FAM163B: variants seen among roughly 807,000 people sequenced by gnomAD.
FAM163B encodes the protein family with sequence similarity 163 member B.
Under a neutral mutation model 7.6 loss-of-function variants are expected in FAM163B, and 4 were observed. The observed-to-expected ratio is 0.52, with a 90% CI of 0.26 to 1.20. The LOEUF (loss-of-function observed/expected upper bound fraction) is 1.20. FAM163B is among the 50% of genes most tolerant of loss of function. FAM163B has a pLI of 0.14. For missense variants in FAM163B, 250 were observed against 243.0 expected (o/e 1.03, Z -0.19); for synonymous variants, 120 against 111.6 (o/e 1.07, Z -0.47).
At chr9:133,599,725 GTGTC>G (rs1296151047) in intron 1 of FAM163B, among the ~76,000 whole-genome samples, 2 of 151,026 alleles carry the variant, frequency 1.3e-5, no homozygotes, top group South Asian at 2.1e-4. Context: ...ATGTGCATGT[GTGTC>G]TGTGTGCATG....
intron 1 of FAM163B, among the ~76,000 whole-genome samples, chr9:133,582,934 A>T (rs1263294249): frequency 2.6e-5 from 4 of 152,122 alleles, no homozygotes; most frequent in Admixed American, 2.6e-4. Context: ...GCTGCCGGAG[A>T]GATTGCTGTT....
chr9:133,590,102 C>T (rs1412919199), intron 1 of FAM163B, among the ~76,000 whole-genome samples: 8 of 25,558 alleles, frequency 3.1e-4, no homozygotes, highest in African/African-American at 7.7e-4. Flanking sequence ...TCCCCTTCCC[C>T]TTCCCTTCCC....
rs1209370786 is a variant in FAM163B at position 133,577,618 on chromosome 9, G to A, written c.*1404C>T. ...TCTTTGAGGGCGGTGCCTTCCCTGG[G>A]CAGAGAGGGGCTGCCCCGGCCCTGG... On this transcript the variant is annotated 3_prime_UTR_variant, in exon 3 of 3. Transcript: ENST00000673969. Among the ~76,000 whole-genome samples, 1 of 152,230 alleles carries A rather than the reference G, an allele frequency of 6.6e-6. No homozygotes were observed. The highest frequency in any genetic ancestry group is 2.4e-5 in the African/African-American group (1 of 41,468).
At chr9:133,591,391 C>T (rs987135989) in intron 1 of FAM163B, among the ~76,000 whole-genome samples, 14 of 152,172 alleles carry the variant, frequency 9.2e-5, no homozygotes, top group South Asian at 2.1e-4. Flanking sequence ...GTAACTGTGG[C>T]GGAGATGACA....
rs1831303856 is a variant in FAM163B at position 133,579,105 on chromosome 9, C to CA, written c.417_418insT (p.Gly140TrpfsTer86). On this transcript the variant is annotated frameshift_variant, in exon 3 of 3. Coordinates refer to ENST00000673969, the MANE Select transcript of FAM163B (RefSeq NM_001080515.3). LOFTEE classifies it high-confidence loss of function. The stretch of plus-strand genomic sequence containing the variant: ...CGGTTGGGGTTGAGCGCCTGCAGGC[C>CA]CCCGAAGCCCCCCGGGGGCAGCTCC... The CA allele has an allele frequency of 6.2e-7, 1 of 1,603,728 alleles. No homozygotes were observed. The highest frequency in any genetic ancestry group is 8.5e-7 in the Non-Finnish European group (1 of 1,177,934).
intron 1 of FAM163B, among the ~76,000 whole-genome samples, chr9:133,588,665 G>GC (rs1831486693): frequency 1.1e-4 from 1 of 9,466 alleles, no homozygotes; most frequent in Non-Finnish European, 2.4e-4. Flanking sequence ...CTAGCATGCT[G>GC]AGGGATCTAG....
intron 1 of FAM163B, among the ~76,000 whole-genome samples, chr9:133,582,931 G>C (rs1201435288): frequency 2.0e-5 from 3 of 152,230 alleles, no homozygotes; most frequent in Non-Finnish European, 2.9e-5. Flanking sequence ...ACAGCTGCCG[G>C]AGAGATTGCT....
chr9:133,594,183 C>T (rs935449406), intron 1 of FAM163B, among the ~76,000 whole-genome samples: 2 of 152,226 alleles, frequency 1.3e-5, no homozygotes, highest in Non-Finnish European at 1.5e-5. Context: ...TCCTTTACAG[C>T]GCATTTGTTT....
chr9:133,600,393 G>A lies in FAM163B; in HGVS notation c.-24+8684C>T, dbSNP rs1166490357. ...AGACTGGCTGGCCCACACGGCAGCC[G>A]GGGCAGGGGCGTGTGCCACAGTACC... On this transcript the variant is annotated intron_variant, in intron 1 of 2. Transcript: ENST00000673969. This position sits in a 1 kb window ranked among gnomAD's most constrained non-coding sequence, Gnocchi z 4.9. Among the ~76,000 whole-genome samples, 2 of 152,122 alleles carry A rather than the reference G, an allele frequency of 1.3e-5. No homozygotes were observed. Among genetic ancestry groups the A allele is most frequent in the South Asian group, 2.1e-4 (1 of 4,820 alleles).
At chr9:133,590,108 TTCCCC>T (rs1564193567) in intron 1 of FAM163B, among the ~76,000 whole-genome samples, 25 of 8,660 alleles carry the variant, frequency 2.9e-3, no homozygotes, top group Admixed American at 6.4e-3. Flanking sequence ...TCCCCTTCCC[TTCCCC>T]TCCCCTTCCC....
At chr9:133,593,439 C>T (rs553010177) in intron 1 of FAM163B, among the ~76,000 whole-genome samples, 5 of 151,554 alleles carry the variant, frequency 3.3e-5, no homozygotes, top group Non-Finnish European at 4.4e-5. Flanking sequence ...CTCTGCCAGC[C>T]GAGGTCATAC....
chr9:133,602,695 T>A (rs1831745137), intron 1 of FAM163B, among the ~76,000 whole-genome samples: 1 of 152,226 alleles, frequency 6.6e-6, no homozygotes, highest in African/African-American at 2.4e-5. Flanking sequence ...ACTACATTTT[T>A]AATTTTGTAA....
intron 1 of FAM163B, among the ~76,000 whole-genome samples, chr9:133,593,339 G>T (rs980480031): frequency 1.6e-4 from 24 of 152,250 alleles, no homozygotes; most frequent in Non-Finnish European, 3.1e-4. Flanking sequence ...TGCCCATTTA[G>T]TTCCCTGAGT....
In FAM163B at chr9:133,578,957, G is replaced by T. The variant is rs1588319105; in HGVS notation, c.*65C>A. The T allele has an allele frequency of 2.8e-6, 4 of 1,442,702 alleles. No individual in the cohort carries two copies. Among genetic ancestry groups the T allele is most frequent in the Non-Finnish European group, 3.6e-6 (4 of 1,100,118 alleles). 89.4% of individuals were successfully genotyped at this position (1,442,702 alleles called of 1,614,324 possible). A position where few individuals can be genotyped will look rare whatever the true frequency, so the allele number is the denominator to read the frequency against. ...ACTTGGGGCCTGGGGCCAGGTGGGT[G>T]TGCCAAAGGAATCCCCCCATTGTCT... On this transcript the variant is annotated 3_prime_UTR_variant, in exon 3 of 3. Coordinates refer to ENST00000673969, the MANE Select transcript of FAM163B (RefSeq NM_001080515.3).
intron 1 of FAM163B, among the ~76,000 whole-genome samples, chr9:133,594,363 G>A (rs1383179831): frequency 6.6e-6 from 1 of 152,152 alleles, no homozygotes; most frequent in Non-Finnish European, 1.5e-5. Flanking sequence ...GTAAGAGGTT[G>A]TTCCTCTGGC....
chr9:133,584,087 G>A (rs961406500), intron 1 of FAM163B, among the ~76,000 whole-genome samples: 2 of 149,882 alleles, frequency 1.3e-5, no homozygotes, highest in East Asian at 2.0e-4. Context: ...AGCCCAGCAC[G>A]TGCCCTCCTC....
chr9:133,588,772 C>G (rs1197376531), intron 1 of FAM163B, among the ~76,000 whole-genome samples: 2 of 70,584 alleles, frequency 2.8e-5, no homozygotes, highest in Non-Finnish European at 6.1e-5. Context: ...GGGACCTTGC[C>G]CAGGGTCACC....
At chr9:133,596,331 T>C (rs1226976026) in intron 1 of FAM163B, among the ~76,000 whole-genome samples, 2 of 151,518 alleles carry the variant, frequency 1.3e-5, no homozygotes, top group African/African-American at 2.4e-5. Flanking sequence ...TCACCTTGGC[T>C]AAGTTTCTTC....
intron 1 of FAM163B, among the ~76,000 whole-genome samples, chr9:133,608,233 C>A (rs1024476944): frequency 1.3e-5 from 2 of 152,200 alleles, no homozygotes; most frequent in South Asian, 4.1e-4. Context: ...GTTCCATGAA[C>A]TTGACCCTTG....
Sources: allele counts gnomAD v4.1 joint callset (sites outside exome capture counted in the v4.1 genomes callset), GRCh38; gene constraint gnomAD v4.1.1; non-coding constraint Gnocchi (gnomAD v3.1); transcripts MANE v1.5; gene names NCBI Gene and HGNC (gene_info 2026-07-23, HGNC 2026-07-21).